Variants in SHC2 observed in about 807,000 individuals in gnomAD.
SHC2 encodes the protein SHC adaptor protein 2.
Under a neutral mutation model 60.6 loss-of-function variants are expected in SHC2, and 62 were observed. The observed-to-expected ratio is 1.02, with a 90% CI of 0.83 to 1.26. SHC2 has a LOEUF of 1.26. Ranked by LOEUF, SHC2 falls within the 50% of genes most tolerant of loss-of-function variation. The pLI is 0.00. For synonymous variants in SHC2, 375 were observed against 372.4 expected, an observed-to-expected ratio of 1.01 and a Z score of -0.08; for missense variants, 873 against 822.2, an observed-to-expected ratio of 1.06 and a Z score of -0.76.
In SHC2 at chr19:425,182, G is replaced by A. The variant is rs61735134; in HGVS notation, c.1224C>T (p.Asp408=). ...YVQADARGPP[D]HEEHLYVNTQ... ...TGTTGACATACAGGTGCTCCTCGTG[G>A]TCCGGGGGGCCCCGGGCGTCCGCCT... The change falls in exon 10 of 13, where the codon GAC becomes GAT. Residue 408 remains aspartate, a synonymous_variant. Coordinates refer to ENST00000264554, the MANE Select transcript of SHC2 (RefSeq NM_012435.3). This position sits in a 1 kb window ranked among gnomAD's most constrained non-coding sequence, Gnocchi z 4.1. 0.077 allele frequency: 104,196 copies of A among 1,348,428 alleles called. 4,545 individuals carry two copies. The highest frequency in any genetic ancestry group is 0.087 in the Non-Finnish European group (90,493 of 1,040,362). The allele number at this position is 1,348,428 out of a possible 1,614,324, so 83.5% of individuals were successfully genotyped here. A position where few individuals can be genotyped will look rare whatever the true frequency, so the allele number is the denominator to read the frequency against.
chr19:457,098 G>T (rs1194649306), intron 1 of SHC2, among the ~76,000 whole-genome samples: 1 of 141,210 alleles, frequency 7.1e-6, no homozygotes, highest in South Asian at 2.2e-4. Flanking sequence ...ACCACATCAG[G>T]CCTTTGCACC....
chr19:436,125 G>A (rs1415632106), intron 7 of SHC2, 40 bp downstream of exon 7: 1 of 1,602,304 alleles, frequency 6.2e-7, no homozygotes, highest in Non-Finnish European at 8.5e-7. Flanking sequence ...GCAGGTCACT[G>A]GGGGTGTCCC....
rs1975259561 is a variant in SHC2 at position 453,742 on chromosome 19, G to C, written c.468+6787C>G. 6.6e-6 allele frequency among the ~76,000 whole-genome samples: 1 copy of C among 152,214 alleles called. No homozygotes were observed. The highest frequency in any genetic ancestry group is 6.5e-5 in the Admixed American group (1 of 15,280). On this transcript the variant is annotated intron_variant, in intron 1 of 12. Coordinates refer to ENST00000264554, the MANE Select transcript of SHC2 (RefSeq NM_012435.3). This position sits in a 1 kb window ranked among gnomAD's most constrained non-coding sequence, Gnocchi z 6.3. ...GCTTAAGGGACCCGCGATGCAGGAA[G>C]GATGAAGTGTCATTTTGCCGACCGT...
At position 424,833 on chromosome 19, in the gene SHC2, G is replaced by T. The variant is rs562632330; in HGVS notation, c.1309+264C>A. On this transcript the variant is annotated intron_variant, in intron 10 of 12. Coordinates refer to ENST00000264554, the MANE Select transcript of SHC2 (RefSeq NM_012435.3). This position sits in a 1 kb window ranked among gnomAD's most constrained non-coding sequence, Gnocchi z 4.5. ...GCCTCACCCATTACACTGCTCGGCC[G>T]CATTCGCTAGAGAGAATGGGCCTCC... is the stretch of plus-strand genomic sequence containing the variant. 1.3e-5 allele frequency among the ~76,000 whole-genome samples: 2 copies of T among 152,152 alleles called. No homozygotes were observed. The highest frequency in any genetic ancestry group is 4.8e-5 in the African/African-American group (2 of 41,444).
At chr19:450,308 G>A (rs533220199) in intron 1 of SHC2, among the ~76,000 whole-genome samples, 1 of 152,368 alleles carries the variant, frequency 6.6e-6, no homozygotes, top group Non-Finnish European at 1.5e-5. Flanking sequence ...ACGCAAGAGA[G>A]TGGCGCGTTT....
Position 422,220 on chromosome 19 carries a change from G to C in SHC2, c.1546C>G (p.Pro516Ala). Reference protein sequence around the residue: ...DFLVRDSVTNPGQYVLTGMHA... With the variant: ...DFLVRDSVTNAGQYVLTGMHA... ...ATGCCGGTGAGGACATACTGCCCGG[G>C]GTTGGTGACGCTGTCTCGCACAAGG... Residue 516 changes from proline to alanine, a missense_variant, in exon 11 of 13, where the codon CCC becomes GCC. Transcript: ENST00000264554. The surrounding 1 kb of genome is among the most constrained non-coding windows in gnomAD (Gnocchi z 5.0). 1 of 1,612,610 alleles carries C rather than the reference G, an allele frequency of 6.2e-7. No individual in the cohort carries two copies. The highest frequency in any genetic ancestry group is 1.3e-5 in the African/African-American group (1 of 75,050).
rs745565449 is a variant in SHC2 at position 434,714 on chromosome 19, C to T, written c.1105G>A (p.Asp369Asn). Reference sequence around the variant, plus strand: ...CCCCGAGGGCAGAGGCTGACCTGGTCGAGGGCCGTGAGGGCGCAGGGCTGT... The same window carrying T: ...CCCCGAGGGCAGAGGCTGACCTGGTTGAGGGCCGTGAGGGCGCAGGGCTGT... The part of the protein sequence containing the change: ...LTQPCALTAL[D>N]QGPSPSLRDA... Residue 369 changes from aspartate to asparagine, a missense_variant, in exon 8 of 13, where the codon GAC becomes AAC. Coordinates refer to ENST00000264554, the MANE Select transcript of SHC2 (RefSeq NM_012435.3). 8.7e-6 allele frequency: 14 copies of T among 1,609,516 alleles called. No individual in the cohort carries two copies. In the East Asian group the frequency reaches 2.0e-4, roughly 23 times the overall value.
intron 1 of SHC2, among the ~76,000 whole-genome samples, chr19:450,686 C>T (rs1428457709): frequency 5.9e-5 from 9 of 152,216 alleles, no homozygotes; most frequent in East Asian, 1.9e-4. Flanking sequence ...TTCTTGGCCG[C>T]GTCGTATTTC....
rs117230077 is a variant in SHC2 at position 430,458 on chromosome 19, G to A, written c.1174+226C>T. On this transcript the variant is annotated intron_variant, in intron 9 of 12. Transcript: ENST00000264554. ...CCAACATGCACGGAAACCTAATACC[G>A]TGTGGATAATGTAGTACTTATACCC... Among the ~76,000 whole-genome samples the A allele has an allele frequency of 4.3e-4, 65 of 152,312 alleles. No individual in the cohort carries two copies. The East Asian group carries it at 8.3e-3, about 19-fold the overall frequency.
At position 422,195 on chromosome 19, in the gene SHC2, A is replaced by T. The variant is rs1358480014; in HGVS notation, c.1571T>A (p.Met524Lys). ...CAGGTGCTTGGGCTGCCCGGCGTGC[A>T]TGCCGGTGAGGACATACTGCCCGGG... ...TNPGQYVLTGMHAGQPKHLLL... is the reference protein window; with the variant it reads ...TNPGQYVLTGKHAGQPKHLLL... The change falls in exon 11 of 13, where the codon ATG (methionine) becomes AAG (lysine). Residue 524 changes from methionine (M) to lysine (K), a missense_variant. Transcript: ENST00000264554. This position sits in a 1 kb window ranked among gnomAD's most constrained non-coding sequence, Gnocchi z 5.0. 1.9e-6 allele frequency: 3 copies of T among 1,612,418 alleles called. No individual in the cohort carries two copies. The highest frequency in any genetic ancestry group is 2.5e-6 in the Non-Finnish European group (3 of 1,179,650).
At chr19:455,557 G>A (rs1384189975) in intron 1 of SHC2, among the ~76,000 whole-genome samples, 3 of 152,272 alleles carry the variant, frequency 2.0e-5, no homozygotes, top group Non-Finnish European at 4.4e-5. Context: ...CACCGGGATC[G>A]CTGCAGGATT....
intron 1 of SHC2, among the ~76,000 whole-genome samples, chr19:447,726 C>T (rs768281395): frequency 2.0e-5 from 3 of 151,880 alleles, no homozygotes; most frequent in Non-Finnish European, 4.4e-5. Context: ...TGCGGTGAGC[C>T]GAGATCGCAC....
rs925195720 is a variant in SHC2 at position 460,968 on chromosome 19, G to A, written c.29C>T (p.Pro10Leu). The change falls in exon 1 of 13, where the codon CCC (proline) becomes CTC (leucine). Residue 10 changes from proline (P) to leucine (L), a missense_variant. Physicochemically the swap from Pro to Leu is moderately conservative, Grantham distance 98. Coordinates refer to ENST00000264554, the MANE Select transcript of SHC2 (RefSeq NM_012435.3). Reference protein sequence around the residue: MTQGPGGRAPPAPPAPPEPE... With the variant: MTQGPGGRALPAPPAPPEPE... ...CTCGGGGGGCGCGGGGGGCGCCGGG[G>A]GCGCGCGCCCGCCCGGACCCTGCGT... is the stretch of plus-strand genomic sequence containing the variant. 31 of 981,846 alleles carry A rather than the reference G, an allele frequency of 3.2e-5. No individual in the cohort carries two copies. The African/African-American group carries it at 5.5e-4, about 17-fold the overall frequency. The allele number at this position is 981,846 out of a possible 1,614,324, so 60.8% of individuals were successfully genotyped here. A position where few individuals can be genotyped will look rare whatever the true frequency, so the allele number is the denominator to read the frequency against.
intron 1 of SHC2, among the ~76,000 whole-genome samples, chr19:458,327 C>T (rs77277450): frequency 0.69 from 53,152 of 76,546 alleles, 19,137 homozygotes; most frequent in African/African-American, 0.89. Context: ...GAGGCGGAAG[C>T]GGGTTCCGGG....
At chr19:457,945 A>G (rs1975395532) in intron 1 of SHC2, among the ~76,000 whole-genome samples, 1 of 151,838 alleles carries the variant, frequency 6.6e-6, no homozygotes, top group South Asian at 2.1e-4. Flanking sequence ...GGGAGGCGGA[A>G]GTGGGTCCCG....
chr19:425,058 C>T lies in SHC2; in HGVS notation c.1309+39G>A, dbSNP rs201877802. On this transcript the variant is annotated intron_variant, in intron 10 of 12. Coordinates refer to ENST00000264554, the MANE Select transcript of SHC2 (RefSeq NM_012435.3). This position sits in a 1 kb window ranked among gnomAD's most constrained non-coding sequence, Gnocchi z 4.1. ...GTGCCTCCCCCATCAGACAACACGG[C>T]CACACGCGATGACGGCCGCCCCCCA... 28 of 1,350,742 alleles carry T rather than the reference C, an allele frequency of 2.1e-5. No individual in the cohort carries two copies. In the African/African-American group the frequency reaches 3.7e-4, roughly 18 times the overall value. The allele number at this position is 1,350,742 out of a possible 1,614,324, so 83.7% of individuals were successfully genotyped here.
intron 1 of SHC2, among the ~76,000 whole-genome samples, chr19:449,882 G>A (rs1251753115): frequency 4.6e-5 from 7 of 152,186 alleles, no homozygotes; most frequent in Admixed American, 6.5e-5. Context: ...GGAACTTTTC[G>A]TCTCAATAGA....
chr19:423,049 C>A (rs1430709889), intron 10 of SHC2, among the ~76,000 whole-genome samples: 1 of 152,216 alleles, frequency 6.6e-6, no homozygotes, highest in Non-Finnish European at 1.5e-5. Flanking sequence ...AGTGCTGGAG[C>A]CCCAGCCCTG....
intron 7 of SHC2, chr19:435,868 C>A (rs1185294345): frequency 5.7e-6 from 2 of 350,552 alleles, no homozygotes; most frequent in African/African-American, 4.1e-5. Context: ...TTGCGGGAGC[C>A]GGCCGCGCGT....
Sources: gnomAD v4.1 joint callset for allele counts (sites outside exome capture counted in the v4.1 genomes callset) on GRCh38, gnomAD v4.1.1 for gene constraint, Gnocchi (gnomAD v3.1) non-coding constraint, MANE v1.5 for transcripts, NCBI Gene and HGNC (gene_info 2026-07-23, HGNC 2026-07-21) for gene names.